TTBK2: variants seen among roughly 807,000 people sequenced by gnomAD.
TTBK2 encodes tau-tubulin kinase 2.
Under a neutral mutation model 110.8 loss-of-function variants are expected in TTBK2, and 28 were observed. The ratio of observed to expected loss-of-function variants is 0.25; its 90% CI spans 0.19 to 0.35. The LOEUF is 0.35. Among genes scored for constraint, TTBK2 ranks in the 10% least tolerant of loss-of-function variants. TTBK2 has a pLI of 1.00. For missense variants in TTBK2, 1,369 were observed against 1,500.3 expected, an observed-to-expected ratio of 0.91 and a Z score of 1.45; for synonymous variants, 532 against 527.3, an observed-to-expected ratio of 1.01 and a Z score of -0.12.
chr15:42,791,470 T>C (rs969100012), intron 10 of TTBK2, among the ~76,000 whole-genome samples: 94 of 150,016 alleles, frequency 6.3e-4, no homozygotes, highest in African/African-American at 2.3e-3. Context: ...TTTTGAATTA[T>C]CTCATTTTCA....
rs970928940 is a variant in TTBK2 at position 42,801,201 on chromosome 15, C to G, written c.823-6400G>C. The G allele has an allele frequency of 2.7e-6, 4 of 1,455,788 alleles. No individual in the cohort carries two copies. The African/African-American group carries it at 5.5e-5, about 20-fold the overall frequency. 90.2% of individuals were successfully genotyped at this position (1,455,788 alleles called of 1,614,324 possible). ...CATATGGATACTCATGTTCTGCATC[C>G]CAGACTCCAGCCAGCTCTCCTCGCC... On this transcript the variant is annotated intron_variant, in intron 9 of 14. Transcript: ENST00000267890.
chr15:42,840,255 C>G (rs1488483235), intron 4 of TTBK2, 105 bp downstream of exon 4: 4 of 1,016,866 alleles, frequency 3.9e-6, no homozygotes, highest in Non-Finnish European at 6.3e-6. Context: ...ATAAAACATT[C>G]TCACATGGTA....
At chr15:42,891,785 T>C (rs909302183) in intron 1 of TTBK2, among the ~76,000 whole-genome samples, 2 of 152,170 alleles carry the variant, frequency 1.3e-5, no homozygotes, top group African/African-American at 2.4e-5. Context: ...CCCAAGGGGA[T>C]TGTGGGAAGG....
chr15:42,858,749 T>C (rs764975611), intron 3 of TTBK2, among the ~76,000 whole-genome samples: 8 of 152,004 alleles, frequency 5.3e-5, no homozygotes, highest in Non-Finnish European at 8.8e-5. Flanking sequence ...AGTGCCAGAG[T>C]AGAAAAACCT....
chr15:42,834,752 C>T (rs1892921520), intron 4 of TTBK2, among the ~76,000 whole-genome samples: 1 of 152,154 alleles, frequency 6.6e-6, no homozygotes, highest in South Asian at 2.1e-4. Context: ...TGGCATGAGC[C>T]TGTAATCCTA....
rs561925222 is a variant in TTBK2, at chr15:42,884,410, A to G, written c.-67-5726T>C. Among the ~76,000 whole-genome samples the G allele has an allele frequency of 2.6e-5, 4 of 152,312 alleles. No homozygotes were observed. In the South Asian group the frequency reaches 8.3e-4, roughly 32 times the overall value. On this transcript the variant is annotated intron_variant, in intron 1 of 14. Coordinates refer to ENST00000267890, the MANE Select transcript of TTBK2 (RefSeq NM_173500.4). ...TTTCTGAAGTGACTGGGGTGCTAGG[A>G]GCATCTTTTGGTATAATATTTGGTT...
intron 3 of TTBK2, 60 bp downstream of exon 3, chr15:42,872,551 T>C (rs1359040164): frequency 1.3e-6 from 2 of 1,573,822 alleles, no homozygotes; most frequent in African/African-American, 1.4e-5. Context: ...TTCAGGAAGA[T>C]ACAAATAAAT....
In TTBK2 at chr15:42,912,187, G is replaced by A. The variant is rs1243319857; in HGVS notation, c.-68+8251C>T. ...ACTGCAAAAACCAGGCTAGGAAGAG[G>A]ACAGACATCATTCTGTTTCAGTCGG... On this transcript the variant is annotated intron_variant, in intron 1 of 14. Coordinates refer to ENST00000267890, the MANE Select transcript of TTBK2 (RefSeq NM_173500.4). Among the ~76,000 whole-genome samples the A allele has an allele frequency of 2.0e-5, 3 of 152,182 alleles. No homozygotes were observed. The East Asian group carries it at 5.8e-4, about 29-fold the overall frequency.
intron 4 of TTBK2, among the ~76,000 whole-genome samples, chr15:42,835,590 G>A (rs1892953125): frequency 6.6e-6 from 1 of 151,888 alleles, no homozygotes; most frequent in African/African-American, 2.4e-5. Flanking sequence ...TAAGCAATGT[G>A]TGAACCCTAT....
intron 10 of TTBK2, among the ~76,000 whole-genome samples, chr15:42,793,798 C>T (rs1230794115): frequency 2.0e-5 from 3 of 151,506 alleles, no homozygotes; most frequent in Non-Finnish European, 2.9e-5. Flanking sequence ...GATTGTGCCA[C>T]TGCACTCCAG....
intron 3 of TTBK2, among the ~76,000 whole-genome samples, chr15:42,872,114 G>A (rs914766569): frequency 3.9e-5 from 6 of 152,044 alleles, no homozygotes; most frequent in South Asian, 2.1e-4. Context: ...CAAAAATGAC[G>A]ACAGGGCCAG....
rs2061883930 is a variant in TTBK2 at position 42,752,719 on chromosome 15, T to G, written c.2527A>C (p.Ile843Leu). The change falls in exon 14 of 15, where the codon ATA becomes CTA. Residue 843 changes from isoleucine (I) to leucine (L), a missense_variant. Physicochemically the swap from Ile to Leu is conservative, Grantham distance 5. This residue lies in a region of TTBK2 where 1,097 missense variants were observed against 1,114.7 expected (regional missense o/e 0.98). Transcript: ENST00000267890. ...VVPNQDKNNEIMKLLTVGTSE... is the reference protein window; with the variant it reads ...VVPNQDKNNELMKLLTVGTSE... The stretch of plus-strand genomic sequence containing the variant: ...GTTCCAACTGTCAGAAGCTTCATTA[T>G]CTCATTATTTTTGTCTTGATTTGGC... The G allele has an allele frequency of 2.5e-6, 4 of 1,614,160 alleles. No homozygotes were observed. The highest frequency in any genetic ancestry group is 3.3e-5 in the Admixed American group (2 of 60,024).
At chr15:42,894,571 G>A (rs1895592996) in intron 1 of TTBK2, among the ~76,000 whole-genome samples, 1 of 151,996 alleles carries the variant, frequency 6.6e-6, no homozygotes, top group Admixed American at 6.6e-5. Flanking sequence ...AGGCAACATG[G>A]TGAAACCCTA....
intron 10 of TTBK2, among the ~76,000 whole-genome samples, chr15:42,787,769 AT>A (rs1051360626): frequency 5.9e-5 from 9 of 152,212 alleles, no homozygotes; most frequent in Admixed American, 1.3e-4. Context: ...TTACATTATC[AT>A]TTTTTTCTAT....
Position 42,818,195 on chromosome 15 carries a change from C to A in TTBK2, c.538-1098G>T, listed in dbSNP as rs116992058. Among the ~76,000 whole-genome samples the A allele has an allele frequency of 2.2e-4, 33 of 152,266 alleles. No individual in the cohort carries two copies. The East Asian group carries it at 6.2e-3, about 28-fold the overall frequency. ...GGCTCAAGTGATCCTCCTGCCTCAG[C>A]CTCCCAAGTAGCTGGAACTACTGGA... On this transcript the variant is annotated intron_variant, in intron 6 of 14. Transcript: ENST00000267890.
rs1014672900 is a variant in TTBK2, at chr15:42,844,597, A to G, written c.218-4164T>C. ...AATAAGCATGATATGCACACATAAT[A>G]TGCAAGCATTTTATGCCAGTCTCTA... On this transcript the variant is annotated intron_variant, in intron 3 of 14. Transcript: ENST00000267890. 2.0e-5 allele frequency among the ~76,000 whole-genome samples: 3 copies of G among 152,244 alleles called. No individual in the cohort carries two copies. In the South Asian group the frequency reaches 6.2e-4, roughly 31 times the overall value.
At chr15:42,871,170 C>G (rs544993724) in intron 3 of TTBK2, among the ~76,000 whole-genome samples, 4 of 151,848 alleles carry the variant, frequency 2.6e-5, no homozygotes, top group Non-Finnish European at 4.4e-5. Flanking sequence ...GAAATAGGGA[C>G]CAGAAGATTA....
chr15:42,866,266 T>C (rs960060922), intron 3 of TTBK2, among the ~76,000 whole-genome samples: 1 of 151,790 alleles, frequency 6.6e-6, no homozygotes, highest in African/African-American at 2.4e-5. Context: ...AGTGAGTACA[T>C]CTCCAAGAAA....
chr15:42,794,647 A>G lies in TTBK2; in HGVS notation c.977T>C (p.Ile326Thr), dbSNP rs369943893. 6.2e-7 allele frequency: 1 copy of G among 1,614,140 alleles called. No homozygotes were observed. Among genetic ancestry groups the G allele is most frequent in the Non-Finnish European group, 8.5e-7 (1 of 1,180,022 alleles). ...QLHTRLTPAA[I>T]GIANATPIPG... ...AAATGATCTGTTTAGGACATACCCA[A>G]TTGCAGCAGGGGTCAAGCGAGTGTG... The change falls in exon 10 of 15, where the codon ATT becomes ACT. Residue 326 changes from isoleucine to threonine, a missense_variant. Transcript: ENST00000267890.
Sources: allele counts gnomAD v4.1 joint callset (sites outside exome capture counted in the v4.1 genomes callset), GRCh38; gene constraint gnomAD v4.1.1; regional missense constraint gnomAD v4.1.1; transcripts MANE v1.5; gene names NCBI Gene and HGNC (gene_info 2026-07-23, HGNC 2026-07-21).